Variants in RBMS2 observed in about 807,000 individuals in gnomAD.
The protein encoded by RBMS2 is RNA-binding motif, single-stranded-interacting protein 2.
RBMS2 carries 38 observed loss-of-function variants against 58.4 expected under a neutral mutation model. That is an observed-to-expected ratio of 0.65 (90% CI 0.50 to 0.85). The LOEUF is 0.85. RBMS2 is among the 40% of genes least tolerant of loss of function. The probability of loss-of-function intolerance (pLI) is 0.00; values close to 1 mark genes in which losing one functional copy is unlikely to be tolerated. For missense variants in RBMS2, 367 were observed against 503.7 expected (o/e 0.73, Z 2.60); for synonymous variants, 151 against 180.7 (o/e 0.84, Z 1.32).
At chr12:56,545,101 T>C (rs1453743040) in intron 1 of RBMS2, among the ~76,000 whole-genome samples, 1 of 152,150 alleles carries the variant, frequency 6.6e-6, no homozygotes, top group Non-Finnish European at 1.5e-5. Flanking sequence ...AATTCCATTA[T>C]ATTACTCTTG....
At chr12:56,580,567 G>A (rs745962503) in intron 5 of RBMS2, among the ~76,000 whole-genome samples, 6 of 152,088 alleles carry the variant, frequency 3.9e-5, no homozygotes, top group Non-Finnish European at 8.8e-5. Flanking sequence ...CTAACTCACA[G>A]AGCTCTGGGT....
intron 1 of RBMS2, among the ~76,000 whole-genome samples, chr12:56,543,092 T>C (rs1475330079): frequency 6.6e-6 from 1 of 152,106 alleles, no homozygotes; most frequent in African/African-American, 2.4e-5. Flanking sequence ...CAGGCTGGTC[T>C]CAAACTCCTG....
At position 56,581,478 on chromosome 12, in the gene RBMS2, TGGAC is replaced by T; in HGVS notation, c.705_708del (p.Arg236LeufsTer13). On this transcript the variant is annotated frameshift_variant, in exon 7 of 14. Coordinates refer to ENST00000262031, the MANE Select transcript of RBMS2 (RefSeq NM_002898.4). LOFTEE classifies it high-confidence loss of function. ...AGAACCAAGGAAAATTTGTGCAAAA[TGGAC>T]GGGCTTGGCCAAGGAATGCAGACAT... 1 of 1,614,164 alleles carries T rather than the reference TGGAC, an allele frequency of 6.2e-7. No individual in the cohort carries two copies.
At position 56,590,009 on chromosome 12, in the gene RBMS2, AC is replaced by A. The variant is rs1307683446; in HGVS notation, c.*877del. ...GATGTGACCCAGGCTTACTAAAGAG[AC>A]AACTCCACAGCCCTGGGAACACACC... On this transcript the variant is annotated 3_prime_UTR_variant, in exon 14 of 14. Coordinates refer to ENST00000262031, the MANE Select transcript of RBMS2 (RefSeq NM_002898.4). The A allele has an allele frequency of 6.6e-6, 1 of 152,132 alleles. No homozygotes were observed. Among genetic ancestry groups the A allele is most frequent in the Admixed American group, 6.5e-5 (1 of 15,282 alleles). 9.4% of individuals were successfully genotyped at this position (152,132 alleles called of 1,614,324 possible).
intron 1 of RBMS2, among the ~76,000 whole-genome samples, chr12:56,556,568 G>A (rs925886165): frequency 4.0e-5 from 6 of 151,890 alleles, no homozygotes; most frequent in Admixed American, 1.3e-4. Flanking sequence ...TAGAGACAGG[G>A]TTTCACAACG....
Position 56,589,006 on chromosome 12 carries a change from C to T in RBMS2, c.1218C>T (p.Asn406=). The part of the protein sequence containing the change: ...SEHGVYSFQF[N]K Reference sequence around the variant, plus strand: ...ATGGGGTCTATTCTTTCCAGTTCAACAAGTAACAGTGGGTAAGAACCACAT... The same window carrying T: ...ATGGGGTCTATTCTTTCCAGTTCAATAAGTAACAGTGGGTAAGAACCACAT... The change falls in exon 13 of 14, where the codon AAC becomes AAT. Residue 406 remains asparagine (N), a synonymous_variant. Transcript: ENST00000262031. The T allele has an allele frequency of 1.2e-6, 2 of 1,614,164 alleles. No individual in the cohort carries two copies. The highest frequency in any genetic ancestry group is 1.7e-6 in the Non-Finnish European group (2 of 1,180,026).
chr12:56,581,415 G>A lies in RBMS2; in HGVS notation c.639G>A (p.Leu213=). 1 of 1,614,206 alleles carries A rather than the reference G, an allele frequency of 6.2e-7. No homozygotes were observed. The change falls in exon 7 of 14, where the codon TTG becomes TTA. Residue 213 remains leucine, a synonymous_variant. Coordinates refer to ENST00000262031, the MANE Select transcript of RBMS2 (RefSeq NM_002898.4). ...PPGVPAPSDP[L]LCKFADGGPK... is the part of the protein sequence containing the mutation. ...TCTCGGCAGCCCCATCCGATCCCTT[G>A]CTTTGCAAATTTGCTGATGGCGGGC... is the stretch of plus-strand genomic sequence containing the variant.
At chr12:56,526,480 T>C (rs1309230846) in intron 1 of RBMS2, among the ~76,000 whole-genome samples, 2 of 151,944 alleles carry the variant, frequency 1.3e-5, no homozygotes, top group African/African-American at 2.4e-5. Flanking sequence ...CGTCAACAAA[T>C]GTATAATGCC....
chr12:56,523,189 T>C (rs1384584707), intron 1 of RBMS2, among the ~76,000 whole-genome samples: 1 of 152,118 alleles, frequency 6.6e-6, no homozygotes, highest in East Asian at 1.9e-4. Flanking sequence ...TGAAGAAATA[T>C]GGGTAGAGGG....
At chr12:56,571,550 T>A (rs1357866072) in intron 4 of RBMS2, 148 bp from the exon 5 acceptor site, 2 of 769,988 alleles carry the variant, frequency 2.6e-6, no homozygotes, top group Non-Finnish European at 3.8e-6. Context: ...CCCGTGGTAG[T>A]GGGACTGGGT....
Position 56,562,603 on chromosome 12 carries a change from C to A in RBMS2, c.233+20C>A. 1 of 1,605,778 alleles carries A rather than the reference C, an allele frequency of 6.2e-7. No homozygotes were observed. The highest frequency in any genetic ancestry group is 8.5e-7 in the Non-Finnish European group (1 of 1,172,660). The stretch of plus-strand genomic sequence containing the variant: ...TCAGCCGTAAGTTGGAGTACATGTG[C>A]GTAGGCTTCCAGGGACAGTATAGAT... On this transcript the variant is annotated intron_variant, in intron 2 of 13. Transcript: ENST00000262031.
At chr12:56,553,519 G>T (rs1054305254) in intron 1 of RBMS2, among the ~76,000 whole-genome samples, 3 of 151,856 alleles carry the variant, frequency 2.0e-5, no homozygotes, top group Non-Finnish European at 4.4e-5. Flanking sequence ...GTAGAGATGG[G>T]GTTTCACCAT....
At chr12:56,538,727 G>A (rs966695349) in intron 1 of RBMS2, among the ~76,000 whole-genome samples, 1 of 151,526 alleles carries the variant, frequency 6.6e-6, no homozygotes, top group Non-Finnish European at 1.5e-5. Flanking sequence ...TGATCCACCC[G>A]CCTTGGCCTC....
chr12:56,570,040 C>G, intron 4 of RBMS2, 50 bp downstream of exon 4: 1 of 1,518,806 alleles, frequency 6.6e-7, no homozygotes, highest in Non-Finnish European at 9.1e-7. Flanking sequence ...GTGGTTAGCA[C>G]CAAAGTTCCA....
intron 1 of RBMS2, among the ~76,000 whole-genome samples, chr12:56,546,325 A>AATAATACATT (rs1488992711): frequency 6.8e-6 from 1 of 147,154 alleles, no homozygotes; most frequent in African/African-American, 2.5e-5. Flanking sequence ...TATAAAAAAT[A>AATAATACATT]ATAATACATT....
chr12:56,557,191 A>G (rs1879383585), intron 1 of RBMS2, among the ~76,000 whole-genome samples: 1 of 152,162 alleles, frequency 6.6e-6, no homozygotes, highest in African/African-American at 2.4e-5. Context: ...CTTCTCCGGT[A>G]AGAATATGTC....
At chr12:56,543,010 A>G (rs900077537) in intron 1 of RBMS2, among the ~76,000 whole-genome samples, 2 of 151,980 alleles carry the variant, frequency 1.3e-5, no homozygotes, top group Non-Finnish European at 2.9e-5. Flanking sequence ...GGTTCAAGCA[A>G]TTCTCCTGTC....
intron 1 of RBMS2, among the ~76,000 whole-genome samples, chr12:56,542,398 T>C (rs756276731): frequency 2.0e-4 from 10 of 51,270 alleles, no homozygotes; most frequent in Admixed American, 5.9e-4. Context: ...GGTAAAATGG[T>C]AAACTAAATC....
intron 1 of RBMS2, among the ~76,000 whole-genome samples, chr12:56,526,259 A>T (rs1297082986): frequency 6.6e-6 from 1 of 152,078 alleles, no homozygotes; most frequent in African/African-American, 2.4e-5. Context: ...GTGAGCCGAG[A>T]TTGTGCCACT....
Sources: gnomAD v4.1 joint callset for allele counts (sites outside exome capture counted in the v4.1 genomes callset) on GRCh38, gnomAD v4.1.1 for gene constraint, MANE v1.5 for transcripts, NCBI Gene and HGNC (gene_info 2026-07-23, HGNC 2026-07-21) for gene names.